The following ARID4A variants were observed in gnomAD, a reference collection of about 807,000 sequenced individuals.
ARID4A encodes AT-rich interaction domain 4A.
A neutral mutation model predicts 148.6 loss-of-function variants in ARID4A; 39 were observed. The ratio of observed to expected loss-of-function variants is 0.26; its 90% confidence interval spans 0.20 to 0.34. The LOEUF is 0.34. Among genes scored for constraint, ARID4A ranks in the 10% least tolerant of loss-of-function variants. The pLI, the probability that ARID4A is intolerant of heterozygous loss-of-function variation, is 1.00. For synonymous variants in ARID4A, 475 were observed against 481.2 expected, an observed-to-expected ratio of 0.99 and a Z score of 0.17; for missense variants, 1,265 against 1,449.1, an observed-to-expected ratio of 0.87 and a Z score of 2.06.
At chr14:58,323,359 G>C in intron 7 of ARID4A, 126 bp from the exon 8 acceptor site, 1 of 1,096,414 alleles carries the variant, frequency 9.1e-7, no homozygotes, top group Non-Finnish European at 1.3e-6. Context: ...GTTACAATAA[G>C]AATGGAGAGG....
At chr14:58,310,911 A>C (rs1474495718) in intron 5 of ARID4A, among the ~76,000 whole-genome samples, 1 of 151,992 alleles carries the variant, frequency 6.6e-6, no homozygotes. Flanking sequence ...ATTTATAAGG[A>C]ACTTAAACAA....
chr14:58,353,944 A>G, intron 17 of ARID4A, 89 bp downstream of exon 17: 1 of 1,162,388 alleles, frequency 8.6e-7, no homozygotes, highest in Non-Finnish European at 1.2e-6. Flanking sequence ...GAAAGCAAAT[A>G]ATGGTACATA....
intron 12 of ARID4A, among the ~76,000 whole-genome samples, chr14:58,345,933 AC>A (rs2034343151): frequency 6.6e-6 from 1 of 150,936 alleles, no homozygotes; most frequent in African/African-American, 2.4e-5. Flanking sequence ...ACAGGATATC[AC>A]CATGTTGCCC....
chr14:58,350,709 G>A (rs1390833681), intron 15 of ARID4A, among the ~76,000 whole-genome samples: 1 of 152,140 alleles, frequency 6.6e-6, no homozygotes, highest in African/African-American at 2.4e-5. Flanking sequence ...ATTAACATTA[G>A]ATAATTTATT....
intron 19 of ARID4A, among the ~76,000 whole-genome samples, chr14:58,362,758 A>C (rs953117916): frequency 6.6e-6 from 1 of 152,018 alleles, no homozygotes; most frequent in South Asian, 2.1e-4. Context: ...GGGTTTTACT[A>C]TGTTAGCCAC....
In ARID4A at chr14:58,318,550, G is replaced by A; in HGVS notation, c.283G>A (p.Asp95Asn). ...TCTTTTGCTTATTATAGTGTTTGAT[G>A]ATGGTGATGAGCGAACATTGAGACG... ...DASWYTVVFD[D>N]GDERTLRRTS... Residue 95 changes from aspartate (D) to asparagine (N), a missense_variant, in exon 6 of 24, where the codon GAT (aspartate) becomes AAT (asparagine). Physicochemically the swap from Asp to Asn is conservative, Grantham distance 23. Around this residue, in one of 9 missense-constraint regions of ARID4A, gnomAD observed 21 missense variants for 36.5 expected, o/e 0.58. Coordinates refer to ENST00000355431, the MANE Select transcript of ARID4A (RefSeq NM_002892.4). The A allele has an allele frequency of 6.2e-7, 1 of 1,614,108 alleles. No homozygotes were observed. Among genetic ancestry groups the A allele is most frequent in the Non-Finnish European group, 8.5e-7 (1 of 1,179,982 alleles).
At chr14:58,353,945 A>G (rs1443626030) in intron 17 of ARID4A, 90 bp downstream of exon 17, 2 of 1,147,524 alleles carry the variant, frequency 1.7e-6, no homozygotes, top group South Asian at 1.5e-5. Context: ...AAAGCAAATA[A>G]TGGTACATAT....
intron 5 of ARID4A, among the ~76,000 whole-genome samples, chr14:58,307,734 C>A (rs2031717474): frequency 6.6e-6 from 1 of 152,144 alleles, no homozygotes; most frequent in African/African-American, 2.4e-5. Flanking sequence ...GCAGGAGAAT[C>A]GCTTGAATCT....
At chr14:58,314,222 AAAG>A in intron 5 of ARID4A, among the ~76,000 whole-genome samples, 1 of 152,344 alleles carries the variant, frequency 6.6e-6, no homozygotes, top group East Asian at 1.9e-4. Context: ...ACTGAACTAA[AAAG>A]AAGCTAGACT....
intron 12 of ARID4A, 87 bp downstream of exon 12, chr14:58,344,854 G>C: frequency 1.0e-6 from 1 of 964,836 alleles, no homozygotes; most frequent in Non-Finnish European, 1.6e-6. Flanking sequence ...TAGTATTGCA[G>C]ATAAACAGTT....
chr14:58,329,433 T>G lies in ARID4A; in HGVS notation c.663-95T>G. ...ACATTTTATAGACAATATTTTGATT[T>G]TGAGGTTTTTATTTTTCTATGTGTT... On this transcript the variant is annotated intron_variant, in intron 9 of 23. Coordinates refer to ENST00000355431, the MANE Select transcript of ARID4A (RefSeq NM_002892.4). The G allele has an allele frequency of 6.2e-6, 5 of 805,242 alleles. No homozygotes were observed. In the South Asian group the frequency reaches 8.6e-5, roughly 14 times the overall value. The allele number at this position is 805,242 out of a possible 1,614,324, so 49.9% of individuals were successfully genotyped here.
At chr14:58,318,690 A>T (rs755338156) in intron 6 of ARID4A, 21 bp from the exon 7 acceptor site, 21 of 1,613,332 alleles carry the variant, frequency 1.3e-5, no homozygotes, top group Non-Finnish European at 1.7e-5. Context: ...ACGTAATTTA[A>T]TTAATCTATT....
intron 13 of ARID4A, 44 bp from the exon 14 acceptor site, chr14:58,346,976 T>TAAAA (rs2034404324): frequency 5.2e-6 from 1 of 192,304 alleles, no homozygotes; most frequent in African/African-American, 4.7e-5. Context: ...AAAAAAAAGA[T>TAAAA]TAATTCCCTT....
intron 1 of ARID4A, chr14:58,299,596 G>T: frequency 1.8e-6 from 1 of 569,556 alleles, no homozygotes; most frequent in Non-Finnish European, 3.1e-6. Flanking sequence ...GAGCTCCGGG[G>T]CGGAACGGGC....
At chr14:58,365,899 T>G (rs993886707) in intron 21 of ARID4A, 125 bp from the exon 22 acceptor site, 1 of 904,008 alleles carries the variant, frequency 1.1e-6, no homozygotes, top group Non-Finnish European at 1.7e-6. Context: ...TATATTGTTA[T>G]AAACTTTGTG....
intron 11 of ARID4A, among the ~76,000 whole-genome samples, chr14:58,331,813 T>G (rs2033534884): frequency 6.6e-6 from 1 of 152,178 alleles, no homozygotes; most frequent in Non-Finnish European, 1.5e-5. Context: ...TATTTATAGA[T>G]TATATGTTTT....
At chr14:58,321,811 A>T (rs986025366) in intron 7 of ARID4A, among the ~76,000 whole-genome samples, 1 of 152,144 alleles carries the variant, frequency 6.6e-6, no homozygotes, top group Admixed American at 6.6e-5. Context: ...TTTAAAGTTA[A>T]CTACATTTAT....
intron 3 of ARID4A, chr14:58,303,612 T>A: frequency 2.2e-6 from 1 of 459,240 alleles, no homozygotes; most frequent in Non-Finnish European, 4.6e-6. Flanking sequence ...TGATACATAG[T>A]GGACCCTCAA....
chr14:58,359,326 G>A lies in ARID4A; in HGVS notation c.1938+110G>A. ...TTTTAGGTTTATACCAAGATTGAGA[G>A]CAAGGTATATAGACCTCCCATATAC... is the stretch of plus-strand genomic sequence containing the variant. On this transcript the variant is annotated intron_variant, in intron 18 of 23. Coordinates refer to ENST00000355431, the MANE Select transcript of ARID4A (RefSeq NM_002892.4). The A allele has an allele frequency of 3.8e-6, 4 of 1,056,864 alleles. No homozygotes were observed. The East Asian group carries it at 7.9e-5, about 21-fold the overall frequency. 65.5% of individuals were successfully genotyped at this position (1,056,864 alleles called of 1,614,324 possible).
Sources: gnomAD v4.1 joint callset for allele counts (sites outside exome capture counted in the v4.1 genomes callset) on GRCh38, gnomAD v4.1.1 for gene constraint, gnomAD v4.1.1 regional missense constraint, MANE v1.5 for transcripts, NCBI Gene and HGNC (gene_info 2026-07-23, HGNC 2026-07-21) for gene names.